The following CHEK2 variants were observed in gnomAD, a reference collection of about 807,000 sequenced individuals.
CHEK2 encodes serine/threonine-protein kinase Chk2.
A neutral mutation model predicts 69.1 loss-of-function variants in CHEK2; 71 were observed. The observed-to-expected ratio is 1.03, with a 90% CI of 0.85 to 1.25. CHEK2 has a LOEUF of 1.25. CHEK2 is among the 50% of genes most tolerant of loss of function. The pLI, the probability that CHEK2 is intolerant of heterozygous loss-of-function variation, is 0.00. For missense variants in CHEK2, 664 were observed against 649.6 expected, an observed-to-expected ratio of 1.02 and a Z score of -0.24; for synonymous variants, 189 against 226.9, an observed-to-expected ratio of 0.83 and a Z score of 1.50.
intron 4 of CHEK2, among the ~76,000 whole-genome samples, chr22:28,723,582 A>C (rs1185145074): frequency 1.5e-5 from 2 of 137,758 alleles, no homozygotes; most frequent in Admixed American, 8.0e-5. Context: ...TGGGCGACAG[A>C]GCAAGGCTCC....
chr22:28,736,914 A>G (rs1223590716), intron 1 of CHEK2, among the ~76,000 whole-genome samples: 1 of 152,166 alleles, frequency 6.6e-6, no homozygotes, highest in Non-Finnish European at 1.5e-5. Context: ...CTTACATACC[A>G]GCCTGGGTGG....
chr22:28,689,019 T>G lies in CHEK2; in HGVS notation c.1542+116A>C, dbSNP rs1398017071. ...AGTTAAAACAGAGTTTCTACTACATTATAACTGAAACAATGTTAAGCAATT... is the reference window on the plus strand; with the variant it reads ...AGTTAAAACAGAGTTTCTACTACATGATAACTGAAACAATGTTAAGCAATT... On this transcript the variant is annotated intron_variant, in intron 14 of 14. Transcript: ENST00000404276. 2.8e-5 allele frequency: 20 copies of G among 702,730 alleles called. No homozygotes were observed. The Admixed American group carries it at 3.9e-4, about 14-fold the overall frequency. 43.5% of individuals were successfully genotyped at this position (702,730 alleles called of 1,614,324 possible). A position where few individuals can be genotyped will look rare whatever the true frequency, so the allele number is the denominator to read the frequency against.
rs1342820782 is a variant in CHEK2 at position 28,695,771 on chromosome 22, C to A, written c.1198G>T (p.Gly400Trp). The change falls in exon 11 of 15, where the codon GGG (glycine) becomes TGG (tryptophan). Residue 400 changes from glycine (G) to tryptophan (W), a missense_variant. By Grantham distance (184) the Gly-to-Trp change is radical (BLOSUM62 -2). Coordinates refer to ENST00000404276, the MANE Select transcript of CHEK2 (RefSeq NM_007194.4). ...ACAGCACGGTTATACCCAGCAGTCC[C>A]AACAGAAACAAGAACTTCAGGCGCC... ...YLAPEVLVSV[G>W]TAGYNRAVDC... is the part of the protein sequence containing the mutation. 1.2e-6 allele frequency: 2 copies of A among 1,613,742 alleles called. No individual in the cohort carries two copies. The highest frequency in any genetic ancestry group is 2.7e-5 in the African/African-American group (2 of 74,928).
chr22:28,692,741 G>T (rs202086561), intron 13 of CHEK2, among the ~76,000 whole-genome samples: 1 of 148,374 alleles, frequency 6.7e-6, no homozygotes, highest in African/African-American at 2.5e-5. Flanking sequence ...GTTTGGCTTT[G>T]TGTCCCTACC....
At chr22:28,709,782 A>G (rs1290786877) in intron 7 of CHEK2, among the ~76,000 whole-genome samples, 1 of 151,982 alleles carries the variant, frequency 6.6e-6, no homozygotes, top group Non-Finnish European at 1.5e-5. Context: ...ATGCCCAGCT[A>G]AATTTTTGTA....
intron 8 of CHEK2, among the ~76,000 whole-genome samples, chr22:28,702,518 G>GCA (rs2052922021): frequency 2.8e-5 from 4 of 145,202 alleles, no homozygotes; most frequent in Admixed American, 7.0e-5. Flanking sequence ...GATTACAGAT[G>GCA]TGAGCCACTG....
rs1248967885 is a variant in CHEK2, at chr22:28,695,731, A to T, written c.1238T>A (p.Leu413Ter). The change falls in exon 11 of 15, where the codon TTA (leucine) becomes TAA (stop). Residue 413 changes from leucine to a stop codon, truncating the protein, a stop_gained. Coordinates refer to ENST00000404276, the MANE Select transcript of CHEK2 (RefSeq NM_007194.4). LOFTEE classifies it high-confidence loss of function. ...TTACCAGATAAAAAGAATAACTCCT[A>T]AACTCCAGCAGTCCACAGCACGGTT... The part of the protein sequence containing the change: ...GYNRAVDCWS[L>*]GVILFICLSG... 1 of 1,613,728 alleles carries T rather than the reference A, an allele frequency of 6.2e-7. No individual in the cohort carries two copies. The highest frequency in any genetic ancestry group is 2.2e-5 in the East Asian group (1 of 44,876).
intron 1 of CHEK2, among the ~76,000 whole-genome samples, chr22:28,736,520 A>C (rs2054410171): frequency 6.6e-6 from 1 of 152,236 alleles, no homozygotes; most frequent in Non-Finnish European, 1.5e-5. Flanking sequence ...CATAGGGCTT[A>C]TCTTTTCAGC....
rs560781587 is a variant in CHEK2, at chr22:28,695,766, A to G, written c.1203T>C (p.Thr401=). ...LAPEVLVSVG[T]AGYNRAVDCW... is the part of the protein sequence containing the mutation. ...AGTCCACAGCACGGTTATACCCAGC[A>G]GTCCCAACAGAAACAAGAACTTCAG... The change falls in exon 11 of 15, where the codon ACT becomes ACC. Residue 401 remains threonine, a synonymous_variant. Coordinates refer to ENST00000404276, the MANE Select transcript of CHEK2 (RefSeq NM_007194.4). 20 of 1,613,848 alleles carry G rather than the reference A, an allele frequency of 1.2e-5. No individual in the cohort carries two copies. The East Asian group carries it at 4.2e-4, about 34-fold the overall frequency.
At chr22:28,696,782 G>A (rs909051456) in intron 10 of CHEK2, 119 bp downstream of exon 10, 1 of 711,838 alleles carries the variant, frequency 1.4e-6, no homozygotes, top group Non-Finnish European at 2.5e-6. Flanking sequence ...AAAATAATTG[G>A]TAACAGTGAA....
At chr22:28,707,831 T>A (rs990610009) in intron 7 of CHEK2, among the ~76,000 whole-genome samples, 2 of 24,724 alleles carry the variant, frequency 8.1e-5, no homozygotes, top group Non-Finnish European at 2.1e-4. Context: ...TGTGTTTATC[T>A]TTTTTTTTTT....
chr22:28,709,394 A>G (rs1000485332), intron 7 of CHEK2, among the ~76,000 whole-genome samples: 3 of 152,188 alleles, frequency 2.0e-5, no homozygotes, highest in Non-Finnish European at 4.4e-5. Context: ...TAATATAACC[A>G]GTTGTGTCTA....
Position 28,698,228 on chromosome 22 carries a change from T to TAAAAAAAAAAAAAAAAAAAAAAA in CHEK2, c.1009-1242_1009-1241insTTTTTTTTTTTTTTTTTTTTTTT, listed in dbSNP as rs398040472. 8.8e-4 allele frequency among the ~76,000 whole-genome samples: 72 copies of TAAAAAAAAAAAAAAAAAAAAAAA among 81,884 alleles called. 10 individuals are homozygous for TAAAAAAAAAAAAAAAAAAAAAAA. The highest frequency in any genetic ancestry group is 1.1e-3 in the Non-Finnish European group (45 of 39,490). 53.7% of individuals were successfully genotyped at this position (81,884 alleles called of 152,430 possible). On this transcript the variant is annotated intron_variant, in intron 9 of 14. Coordinates refer to ENST00000404276, the MANE Select transcript of CHEK2 (RefSeq NM_007194.4). ...CAACATGGTGAAACCCTATCTTTAC[T>TAAAAAAAAAAAAAAAAAAAAAAA]AAAAAAAAAAAAAAAAAAATTAGCT...
intron 10 of CHEK2, among the ~76,000 whole-genome samples, chr22:28,696,224 A>G (rs1412775753): frequency 1.3e-5 from 2 of 152,208 alleles, no homozygotes; most frequent in African/African-American, 4.8e-5. Context: ...GCGCTATGGA[A>G]TACCTGGGGA....
At chr22:28,724,863 G>T in intron 4 of CHEK2, 114 bp downstream of exon 4, 1 of 1,146,568 alleles carries the variant, frequency 8.7e-7, no homozygotes, top group Non-Finnish European at 1.3e-6. Context: ...ACCACGCCCA[G>T]CAACTTACTC....
intron 2 of CHEK2, 145 bp downstream of exon 2, chr22:28,734,258 T>C (rs780312661): frequency 1.7e-5 from 13 of 747,516 alleles, no homozygotes; most frequent in Admixed American, 4.7e-5. Flanking sequence ...TATGCTTTCA[T>C]TGCTTGTTCA....
At chr22:28,702,162 TG>T (rs2052890731) in intron 8 of CHEK2, among the ~76,000 whole-genome samples, 1 of 151,328 alleles carries the variant, frequency 6.6e-6, no homozygotes, top group Admixed American at 6.6e-5. Context: ...TGTGTGTGTG[TG>T]TGTGTGTGTT....
intron 5 of CHEK2, among the ~76,000 whole-genome samples, chr22:28,718,368 A>T (rs2053654598): frequency 1.3e-5 from 2 of 152,180 alleles, no homozygotes; most frequent in Admixed American, 1.3e-4. Flanking sequence ...AATAGTATAA[A>T]GGTTCCCCAA....
chr22:28,691,274 G>A (rs2052352162), intron 13 of CHEK2, among the ~76,000 whole-genome samples: 1 of 152,184 alleles, frequency 6.6e-6, no homozygotes, highest in African/African-American at 2.4e-5. Context: ...GAGGTCAGGA[G>A]TTCGAGACCA....
Sources: allele counts gnomAD v4.1 joint callset (sites outside exome capture counted in the v4.1 genomes callset), GRCh38; gene constraint gnomAD v4.1.1; transcripts MANE v1.5; gene names NCBI Gene and HGNC (gene_info 2026-07-23, HGNC 2026-07-21).